DOC2A: variants seen among roughly 807,000 people sequenced by gnomAD.
DOC2A encodes the protein double C2 domain alpha, also known as double C2-like domain-containing protein alpha.
In DOC2A, 28 loss-of-function variants were observed where a neutral mutation model predicts 40.6. The ratio of observed to expected loss-of-function variants is 0.69; its 90% CI spans 0.51 to 0.95. The LOEUF (loss-of-function observed/expected upper bound fraction) is 0.95, where lower values mean the gene tolerates loss of function less well. Ranked by LOEUF, DOC2A falls within the 40% of genes least tolerant of loss-of-function variation. DOC2A has a pLI of 0.00. For missense variants in DOC2A, 474 were observed against 552.5 expected (o/e 0.86, Z 1.42); for synonymous variants, 241 against 236.9 (o/e 1.02, Z -0.16).
chr16:30,010,121 G>A lies in DOC2A; in HGVS notation c.102C>T (p.Asp34=). The change falls in exon 2 of 11, where the codon GAC becomes GAT. Residue 34 remains aspartate, a synonymous_variant. Coordinates refer to ENST00000350119, the MANE Select transcript of DOC2A (RefSeq NM_003586.3). The surrounding 1 kb of genome is among the most constrained non-coding windows in gnomAD (Gnocchi z 4.2). The stretch of plus-strand genomic sequence containing the variant: ...CAGGTCCTGGTCCCCGGGGGAAGTA[G>A]TCAGAGATCTGGCGGATGGGCCGGA... ...GPIRPIRQIS[D]YFPRGPGPEG... 6.2e-7 allele frequency: 1 copy of A among 1,613,786 alleles called. No individual in the cohort carries two copies. Among genetic ancestry groups the A allele is most frequent in the Non-Finnish European group, 8.5e-7 (1 of 1,179,872 alleles).
intron 1 of DOC2A, among the ~76,000 whole-genome samples, chr16:30,019,529 T>C (rs1019355839): frequency 3.9e-5 from 6 of 152,206 alleles, no homozygotes; most frequent in African/African-American, 1.4e-4. Flanking sequence ...GTTTATGTCA[T>C]GGATGAATAA....
intron 1 of DOC2A, among the ~76,000 whole-genome samples, chr16:30,020,635 G>A (rs1264965832): frequency 6.6e-6 from 1 of 152,074 alleles, no homozygotes; most frequent in African/African-American, 2.4e-5. Flanking sequence ...TTGAGGTCAG[G>A]AGTTTGAGAC....
chr16:30,007,018 T>C lies in DOC2A; in HGVS notation c.714+13A>G, dbSNP rs1410094216. 6.2e-7 allele frequency: 1 copy of C among 1,613,746 alleles called. No individual in the cohort carries two copies. On this transcript the variant is annotated intron_variant, in intron 7 of 10. Coordinates refer to ENST00000350119, the MANE Select transcript of DOC2A (RefSeq NM_003586.3). ...CCACCCACATGCATCCCCATCCCCATGAGGTGCCTCACCTCCTTCAGATAA... is the reference window on the plus strand; with the variant it reads ...CCACCCACATGCATCCCCATCCCCACGAGGTGCCTCACCTCCTTCAGATAA...
In DOC2A at chr16:30,010,223, G is replaced by A. The variant is rs2070742407; in HGVS notation, c.-1C>T. The A allele has an allele frequency of 6.2e-7, 1 of 1,613,708 alleles. No homozygotes were observed. The highest frequency in any genetic ancestry group is 1.3e-5 in the African/African-American group (1 of 75,066). On this transcript the variant is annotated 5_prime_UTR_variant, in exon 2 of 11. Coordinates refer to ENST00000350119, the MANE Select transcript of DOC2A (RefSeq NM_003586.3). This position sits in a 1 kb window ranked among gnomAD's most constrained non-coding sequence, Gnocchi z 4.2. ...TGCGATCGCCCCTGCGGCCCCTCAT[G>A]CAGCACCCCTGGCTAGGAGAGGGCG...
chr16:30,006,929 CCCTGCTCCG>C lies in DOC2A; in HGVS notation c.725_733del (p.Ala242_Gln244del), dbSNP rs749863198. The C allele has an allele frequency of 8.8e-4, 1,424 of 1,613,314 alleles. 4 individuals are homozygous for C. The highest frequency in any genetic ancestry group is 1.9e-3 in the South Asian group (171 of 91,000). On this transcript the variant is annotated inframe_deletion, in exon 8 of 11. Coordinates refer to ENST00000350119, the MANE Select transcript of DOC2A (RefSeq NM_003586.3). The surrounding 1 kb of genome is among the most constrained non-coding windows in gnomAD (Gnocchi z 6.2). ...GCCACGCTCCTCCAGCAGCCCCTGCCCCTGCTCCGCCTGCTCCAACTGCGGGGCACAGAC... is the reference window on the plus strand; with the variant it reads ...GCCACGCTCCTCCAGCAGCCCCTGCCCCTGCTCCAACTGCGGGGCACAGAC...
rs1291821604 is a variant in DOC2A, at chr16:30,006,373, C to T, written c.1057+40G>A. ...CAGGGTCAGGGCCACCTCCCTGCCA[C>T]TTGCCCGCCCTCAACACCCGCAGCC... On this transcript the variant is annotated intron_variant, in intron 10 of 10. Transcript: ENST00000350119. This position sits in a 1 kb window ranked among gnomAD's most constrained non-coding sequence, Gnocchi z 6.2. 3.1e-6 allele frequency: 5 copies of T among 1,613,208 alleles called. No homozygotes were observed. Among genetic ancestry groups the T allele is most frequent in the African/African-American group, 2.7e-5 (2 of 74,834 alleles).
Position 30,006,563 on chromosome 16 carries a change from G to A in DOC2A, c.960+33C>T. ...GAGCCAGCTCCCCAGCCCCTCCCTGGCCTCCCTCCATGTCCCGTCCCCTCC... is the reference window on the plus strand; with the variant it reads ...GAGCCAGCTCCCCAGCCCCTCCCTGACCTCCCTCCATGTCCCGTCCCCTCC... On this transcript the variant is annotated intron_variant, in intron 9 of 10. Coordinates refer to ENST00000350119, the MANE Select transcript of DOC2A (RefSeq NM_003586.3). The surrounding 1 kb of genome is among the most constrained non-coding windows in gnomAD (Gnocchi z 6.2). 1 of 1,613,188 alleles carries A rather than the reference G, an allele frequency of 6.2e-7. No homozygotes were observed. The highest frequency in any genetic ancestry group is 8.5e-7 in the Non-Finnish European group (1 of 1,179,382).
At chr16:30,012,898 G>A (rs2070808150), upstream of DOC2A, among the ~76,000 whole-genome samples, 1 of 151,934 alleles carries the variant, frequency 6.6e-6, no homozygotes, top group African/African-American at 2.4e-5. Context: ...GGCTGAGGCA[G>A]GAGGATCGCT....
At chr16:30,021,584 C>T (rs182831795), upstream of DOC2A, 8 of 152,262 alleles carry the variant, frequency 5.3e-5, no homozygotes, top group South Asian at 2.1e-4. Context: ...CTGACCAACC[C>T]CCGACGGCCA....
chr16:30,011,000 C>G lies in DOC2A; in HGVS notation c.-111G>C. 1 of 990,822 alleles carries G rather than the reference C, an allele frequency of 1.0e-6. No individual in the cohort carries two copies. Among genetic ancestry groups the G allele is most frequent in the Non-Finnish European group, 1.2e-6 (1 of 832,688 alleles). 61.4% of individuals were successfully genotyped at this position (990,822 alleles called of 1,614,324 possible). ...GAGCGCGGAGTCGAGCTGTGCGAGCCGAGAGGGAGGGAGCGCCGAGAAAGT... is the reference window on the plus strand; with the variant it reads ...GAGCGCGGAGTCGAGCTGTGCGAGCGGAGAGGGAGGGAGCGCCGAGAAAGT... On this transcript the variant is annotated 5_prime_UTR_variant, in exon 1 of 11. Transcript: ENST00000350119. The surrounding 1 kb of genome is among the most constrained non-coding windows in gnomAD (Gnocchi z 4.2).
chr16:30,016,047 ATATATATATTTTTTTT>A (rs1277033223), upstream of DOC2A, among the ~76,000 whole-genome samples: 7 of 22,460 alleles, frequency 3.1e-4, no homozygotes, highest in South Asian at 3.6e-3. Context: ...ATATATATAT[ATATATATATTTTTTTT>A]TTTTTTTTTT....
At chr16:30,019,133 C>T (rs1010337567) in intron 1 of DOC2A, among the ~76,000 whole-genome samples, 10 of 152,108 alleles carry the variant, frequency 6.6e-5, no homozygotes, top group African/African-American at 1.7e-4. Flanking sequence ...GCTTGGCCAA[C>T]GTGGTGAAAC....
chr16:30,012,056 C>T (rs2070791658), upstream of DOC2A: 2 of 152,508 alleles, frequency 1.3e-5, no homozygotes, highest in East Asian at 3.9e-4. Context: ...TCTTCACTCA[C>T]CTGTGCCCCA....
rs2070638977 is a variant in DOC2A, at chr16:30,007,200, A to G, written c.627T>C (p.Phe209=). Residue 209 remains phenylalanine, a synonymous_variant, in exon 6 of 11, where the codon TTT becomes TTC. Coordinates refer to ENST00000350119, the MANE Select transcript of DOC2A (RefSeq NM_003586.3). ...GGACCTGGCGCTCGAGGCAGATGTT[A>G]AAATGCTTCTTCTGCGAAGGCTTGA... The part of the protein sequence containing the change: ...RRLKPSQKKH[F]NICLERQVPL... The G allele has an allele frequency of 6.2e-7, 1 of 1,614,022 alleles. No individual in the cohort carries two copies. Among genetic ancestry groups the G allele is most frequent in the African/African-American group, 1.3e-5 (1 of 75,056 alleles).
upstream of DOC2A, chr16:30,012,602 C>A (rs1310071689): frequency 6.7e-6 from 1 of 149,352 alleles, no homozygotes; most frequent in Non-Finnish European, 1.5e-5. Context: ...TGCCTGTAAT[C>A]CTAGCTACTC....
upstream of DOC2A, among the ~76,000 whole-genome samples, chr16:30,015,916 T>C (rs1384123315): frequency 6.8e-6 from 1 of 146,756 alleles, no homozygotes; most frequent in African/African-American, 2.5e-5. Context: ...CTTACTATGG[T>C]GCCCAGGCTG....
At chr16:30,023,023 T>C (rs557648668), upstream of DOC2A, 4 of 255,258 alleles carry the variant, frequency 1.6e-5, no homozygotes, top group East Asian at 1.6e-4. Flanking sequence ...TAACCGGAGG[T>C]GTGTGGCCCT....
In DOC2A at chr16:30,010,033, G is replaced by A. The variant is rs745882272; in HGVS notation, c.190C>T (p.Pro64Ser). ...AHLVPLALAP[P>S]AALLGATTPE... Reference sequence around the variant, plus strand: ...GTGGTGGCCCCAAGGAGGGCTGCAGGGGGGGCCAGAGCCAGGGGGACCAGA... The same window carrying A: ...GTGGTGGCCCCAAGGAGGGCTGCAGAGGGGGCCAGAGCCAGGGGGACCAGA... Residue 64 changes from proline (P) to serine (S), a missense_variant, in exon 2 of 11, where the codon CCT becomes TCT. By Grantham distance (74) the Pro-to-Ser change is moderately conservative. Coordinates refer to ENST00000350119, the MANE Select transcript of DOC2A (RefSeq NM_003586.3). The surrounding 1 kb of genome is among the most constrained non-coding windows in gnomAD (Gnocchi z 4.2). The A allele has an allele frequency of 3.1e-6, 5 of 1,612,148 alleles. No homozygotes were observed. In the South Asian group the frequency reaches 4.4e-5, roughly 14 times the overall value.
upstream of DOC2A, among the ~76,000 whole-genome samples, chr16:30,016,581 G>T (rs2070859168): frequency 6.6e-6 from 1 of 152,188 alleles, no homozygotes; most frequent in Non-Finnish European, 1.5e-5. Flanking sequence ...CTCAACCCCA[G>T]CCCTGCCTGC....
Sources: gnomAD v4.1 joint callset for allele counts (sites outside exome capture counted in the v4.1 genomes callset) on GRCh38, gnomAD v4.1.1 for gene constraint, Gnocchi (gnomAD v3.1) non-coding constraint, MANE v1.5 for transcripts, NCBI Gene and HGNC (gene_info 2026-07-23, HGNC 2026-07-21) for gene names.